The following ZNF521 variants were observed in gnomAD, a reference collection of about 807,000 sequenced individuals.
The protein encoded by ZNF521 is LYST-interacting protein 3.
ZNF521 carries 14 observed loss-of-function variants against 105.5 expected under a neutral mutation model. That is an observed-to-expected ratio of 0.13 (90% confidence interval 0.09 to 0.21). The LOEUF is 0.21. ZNF521 is among the 10% of genes least tolerant of loss of function. The pLI is 1.00. For synonymous variants in ZNF521, 635 were observed against 606.0 expected (o/e 1.05, Z -0.70); for missense variants, 1,233 against 1,629.7 (o/e 0.76, Z 4.19).
intron 3 of ZNF521, among the ~76,000 whole-genome samples, chr18:25,314,262 T>G (rs1341248983): frequency 1.3e-5 from 2 of 152,202 alleles, no homozygotes; most frequent in South Asian, 2.1e-4. Flanking sequence ...TGTAAACTAC[T>G]CATCTCCCTT....
At position 25,195,100 on chromosome 18, in the gene ZNF521, T is replaced by C. The variant is rs959164155; in HGVS notation, c.3658+60A>G. On this transcript the variant is annotated intron_variant, in intron 5 of 7. Coordinates refer to ENST00000361524, the MANE Select transcript of ZNF521 (RefSeq NM_015461.3). ...TTAATTCATCTTTAACTCTGTTTAA[T>C]GGTGATATACACAAGCAGAAGAAAC... 18 of 1,219,082 alleles carry C rather than the reference T, an allele frequency of 1.5e-5. No individual in the cohort carries two copies. The African/African-American group carries it at 2.2e-4, about 15-fold the overall frequency. The allele number at this position is 1,219,082 out of a possible 1,614,324, so 75.5% of individuals were successfully genotyped here.
intron 3 of ZNF521, among the ~76,000 whole-genome samples, chr18:25,311,145 G>C (rs1224824784): frequency 6.6e-6 from 1 of 152,100 alleles, no homozygotes; most frequent in Non-Finnish European, 1.5e-5. Context: ...GCACAGTGTA[G>C]AATGATTCCT....
chr18:25,103,440 T>C (rs902323440), intron 5 of ZNF521, among the ~76,000 whole-genome samples: 3 of 152,126 alleles, frequency 2.0e-5, no homozygotes, highest in Non-Finnish European at 4.4e-5. Flanking sequence ...CCTGGATCAT[T>C]CCCCGATATA....
At chr18:25,215,340 CA>C (rs1308110302) in intron 4 of ZNF521, among the ~76,000 whole-genome samples, 2 of 152,088 alleles carry the variant, frequency 1.3e-5, no homozygotes, top group African/African-American at 4.8e-5. Context: ...TCTAGAAATA[CA>C]AAGTACATGT....
chr18:25,231,027 T>C (rs1383610294), intron 3 of ZNF521, among the ~76,000 whole-genome samples: 1 of 152,112 alleles, frequency 6.6e-6, no homozygotes, highest in Admixed American at 6.5e-5. Flanking sequence ...CCGCCTGACT[T>C]TTCTCCAAGC....
At chr18:25,097,614 T>A (rs1227600857) in intron 5 of ZNF521, among the ~76,000 whole-genome samples, 1 of 152,070 alleles carries the variant, frequency 6.6e-6, no homozygotes, top group Non-Finnish European at 1.5e-5. Flanking sequence ...GGCATGAGAC[T>A]CTTACAATAA....
At chr18:25,185,881 G>A (rs1025915593) in intron 5 of ZNF521, among the ~76,000 whole-genome samples, 7 of 152,192 alleles carry the variant, frequency 4.6e-5, no homozygotes, top group Non-Finnish European at 1.0e-4. Flanking sequence ...AACATCCTTT[G>A]AGAGTGTAAC....
At chr18:25,099,215 A>G (rs1407014449) in intron 5 of ZNF521, among the ~76,000 whole-genome samples, 1 of 152,198 alleles carries the variant, frequency 6.6e-6, no homozygotes, top group Non-Finnish European at 1.5e-5. Flanking sequence ...ATAACTACTT[A>G]GCAAACCCTA....
chr18:25,117,054 T>TACACACAC lies in ZNF521; in HGVS notation c.3659-24981_3659-24974dup, dbSNP rs71167848. On this transcript the variant is annotated intron_variant, in intron 5 of 7. Transcript: ENST00000361524. ...ACATACACACACACACACATATATA[T>TACACACAC]ACACACACACACACACACACACACA... is the stretch of plus-strand genomic sequence containing the variant. Among the ~76,000 whole-genome samples the TACACACAC allele has an allele frequency of 8.2e-4, 53 of 64,700 alleles. 1 individual carries two copies. The highest frequency in any genetic ancestry group is 1.0e-3 in the Non-Finnish European group (30 of 28,700). 42.4% of individuals were successfully genotyped at this position (64,700 alleles called of 152,430 possible). A position where few individuals can be genotyped will look rare whatever the true frequency, so the allele number is the denominator to read the frequency against.
rs1165089041 is a variant in ZNF521 at position 25,284,894 on chromosome 18, A to T, written c.220+37114T>A. Among the ~76,000 whole-genome samples, 3 of 147,680 alleles carry T rather than the reference A, an allele frequency of 2.0e-5. No homozygotes were observed. In the East Asian group the frequency reaches 5.9e-4, roughly 29 times the overall value. On this transcript the variant is annotated intron_variant, in intron 3 of 7. Transcript: ENST00000361524. ...AGTGAGAGAGACTACACAAACACTC[A>T]TGTGCGTGCGCGCGCGCACACACAC...
intron 7 of ZNF521, among the ~76,000 whole-genome samples, chr18:25,085,725 C>CAT (rs527570723): frequency 6.3e-4 from 95 of 150,418 alleles, no homozygotes; most frequent in South Asian, 2.7e-3. Context: ...AACATTCCCT[C>CAT]ATATATATAT....
At chr18:25,275,285 C>A (rs1293818764) in intron 3 of ZNF521, among the ~76,000 whole-genome samples, 2 of 151,964 alleles carry the variant, frequency 1.3e-5, no homozygotes, top group African/African-American at 4.8e-5. Context: ...CAACTTATGG[C>A]GCAAAAATTT....
At chr18:25,330,959 G>T (rs1294242338) in intron 2 of ZNF521, among the ~76,000 whole-genome samples, 1 of 152,222 alleles carries the variant, frequency 6.6e-6, no homozygotes, top group Admixed American at 6.5e-5. Flanking sequence ...GTACCCTGCT[G>T]AAGCTTTTTC....
At chr18:25,116,256 AG>A (rs1163771722) in intron 5 of ZNF521, among the ~76,000 whole-genome samples, 1 of 152,132 alleles carries the variant, frequency 6.6e-6, no homozygotes, top group African/African-American at 2.4e-5. Flanking sequence ...AATAGAATCC[AG>A]GGTGAGAAAA....
intron 5 of ZNF521, among the ~76,000 whole-genome samples, chr18:25,191,942 G>A (rs535628176): frequency 1.6e-4 from 24 of 152,222 alleles, no homozygotes; most frequent in African/African-American, 5.3e-4. Context: ...ATTAAAGCAC[G>A]TAATACACAC....
At chr18:25,087,108 A>C (rs1304323350) in intron 7 of ZNF521, among the ~76,000 whole-genome samples, 1 of 152,200 alleles carries the variant, frequency 6.6e-6, no homozygotes, top group African/African-American at 2.4e-5. Context: ...TGTATTTAAT[A>C]GATTTCTCAG....
intron 2 of ZNF521, among the ~76,000 whole-genome samples, chr18:25,330,870 C>A (rs1277845839): frequency 6.6e-6 from 1 of 152,132 alleles, no homozygotes; most frequent in Admixed American, 6.5e-5. Context: ...TGCGACAGAG[C>A]AGCAGGGGAA....
At chr18:25,290,587 G>C (rs186529182) in intron 3 of ZNF521, among the ~76,000 whole-genome samples, 1 of 150,072 alleles carries the variant, frequency 6.7e-6, no homozygotes, top group Non-Finnish European at 1.5e-5. Context: ...TTCAGTGTTT[G>C]ATGCACAGTA....
chr18:25,092,907 T>G (rs1231064921), intron 5 of ZNF521, among the ~76,000 whole-genome samples: 1 of 152,214 alleles, frequency 6.6e-6, no homozygotes, highest in East Asian at 1.9e-4. Context: ...AATTAAAATT[T>G]AAAATTGAAG....
Sources: allele counts gnomAD v4.1 joint callset (sites outside exome capture counted in the v4.1 genomes callset), GRCh38; gene constraint gnomAD v4.1.1; transcripts MANE v1.5; gene names NCBI Gene and HGNC (gene_info 2026-07-23, HGNC 2026-07-21).